KCNAB1: variants seen among roughly 807,000 people sequenced by gnomAD.
The protein encoded by KCNAB1 is potassium voltage-gated channel subfamily A regulatory beta subunit 1, also known as voltage-gated potassium channel subunit beta-1.
In KCNAB1, 35 loss-of-function variants were observed where a neutral mutation model predicts 64.6. The observed-to-expected ratio is 0.54, with a 90% CI of 0.41 to 0.72. KCNAB1 has a LOEUF of 0.72. KCNAB1 is among the 30% of genes least tolerant of loss of function. The pLI is 0.00. For synonymous variants in KCNAB1, 177 were observed against 183.8 expected (o/e 0.96, Z 0.30); for missense variants, 401 against 512.9 (o/e 0.78, Z 2.11).
intron 1 of KCNAB1, among the ~76,000 whole-genome samples, chr3:156,383,866 G>A (rs976013535): frequency 3.3e-5 from 5 of 152,128 alleles, no homozygotes; most frequent in African/African-American, 7.2e-5. Context: ...TTTGAGCCTC[G>A]CAGCTCTGCC....
intron 1 of KCNAB1, among the ~76,000 whole-genome samples, chr3:156,173,071 TCTC>T (rs1413893662): frequency 6.6e-6 from 1 of 152,202 alleles, no homozygotes; most frequent in African/African-American, 2.4e-5. Context: ...AGAAAAGGCT[TCTC>T]CTCTGGAGAG....
At chr3:156,473,705 T>G (rs1714122456) in intron 7 of KCNAB1, among the ~76,000 whole-genome samples, 1 of 152,160 alleles carries the variant, frequency 6.6e-6, no homozygotes, top group African/African-American at 2.4e-5. Flanking sequence ...TAAACCAGTA[T>G]GAAAAATCAA....
chr3:156,405,077 A>C (rs1559868545), intron 1 of KCNAB1, among the ~76,000 whole-genome samples: 1 of 152,202 alleles, frequency 6.6e-6, no homozygotes, highest in East Asian at 1.9e-4. Context: ...ACTGAGACTT[A>C]ACTTAAAAAT....
chr3:156,136,541 C>A (rs368901179), intron 1 of KCNAB1, among the ~76,000 whole-genome samples: 8 of 152,216 alleles, frequency 5.3e-5, no homozygotes, highest in Non-Finnish European at 1.0e-4. Flanking sequence ...CAGCATGAGA[C>A]CACAATACTA....
intron 8 of KCNAB1, among the ~76,000 whole-genome samples, chr3:156,501,326 T>C (rs1716387296): frequency 6.6e-6 from 1 of 151,888 alleles, no homozygotes; most frequent in African/African-American, 2.4e-5. Context: ...GAGTATATGG[T>C]ATATGAATAA....
At chr3:156,520,945 C>G (rs1369725784) in intron 11 of KCNAB1, among the ~76,000 whole-genome samples, 2 of 152,150 alleles carry the variant, frequency 1.3e-5, no homozygotes, top group African/African-American at 4.8e-5. Flanking sequence ...TAACTAACAA[C>G]TAATTAGGGA....
rs563991875 is a variant in KCNAB1 at position 156,387,047 on chromosome 3, C to G, written c.276-34569C>G. ...TTTTTTTTTTTTTGCCTGTATGCTACTCTACAATCTCTGTAGACTTACAAA... is the reference window on the plus strand; with the variant it reads ...TTTTTTTTTTTTTGCCTGTATGCTAGTCTACAATCTCTGTAGACTTACAAA... On this transcript the variant is annotated intron_variant, in intron 1 of 13. Coordinates refer to ENST00000490337, the MANE Select transcript of KCNAB1 (RefSeq NM_172160.3). Among the ~76,000 whole-genome samples the G allele has an allele frequency of 3.3e-5, 3 of 89,708 alleles. No individual in the cohort carries two copies. The South Asian group carries it at 9.4e-4, about 28-fold the overall frequency. The allele number at this position is 89,708 out of a possible 152,430, so 58.9% of individuals were successfully genotyped here. A position where few individuals can be genotyped will look rare whatever the true frequency, so the allele number is the denominator to read the frequency against.
rs776448358 is a variant in KCNAB1, at chr3:156,120,709, A to T, written c.98A>T (p.Lys33Ile). The T allele has an allele frequency of 6.2e-7, 1 of 1,614,134 alleles. No homozygotes were observed. The highest frequency in any genetic ancestry group is 2.2e-5 in the East Asian group (1 of 44,902). ...QSGFSVAGKD[K>I]SPKKASENAK... ...GGGTTTTCTGTAGCAGGGAAAGACA[A>T]ATCTCCCAAGAAAGCCTCAGAAAAC... Residue 33 changes from lysine (K) to isoleucine (I), a missense_variant, in exon 1 of 14, where the codon AAA (lysine) becomes ATA (isoleucine). Physicochemically the swap from Lys to Ile is moderately radical, Grantham distance 102. Transcript: ENST00000490337.
At chr3:156,457,571 G>A in intron 4 of KCNAB1, 39 bp downstream of exon 4, 1 of 1,542,908 alleles carries the variant, frequency 6.5e-7, no homozygotes, top group Non-Finnish European at 9.0e-7. Context: ...AATGGCATCT[G>A]TAGCACCAAA....
At chr3:156,169,049 A>T (rs1711788971) in intron 1 of KCNAB1, among the ~76,000 whole-genome samples, 1 of 152,142 alleles carries the variant, frequency 6.6e-6, no homozygotes. Context: ...TTTTTATATG[A>T]TTTATTATTG....
intron 1 of KCNAB1, among the ~76,000 whole-genome samples, chr3:156,341,545 G>T (rs908849906): frequency 6.6e-6 from 1 of 152,152 alleles, no homozygotes; most frequent in Non-Finnish European, 1.5e-5. Flanking sequence ...TGGCCTCCGA[G>T]CTGTGTTAGG....
chr3:156,194,009 TA>T (rs1713727714), intron 1 of KCNAB1, among the ~76,000 whole-genome samples: 1 of 152,174 alleles, frequency 6.6e-6, no homozygotes, highest in Admixed American at 6.5e-5. Flanking sequence ...AAAAGAATCT[TA>T]AAAATATACT....
intron 1 of KCNAB1, chr3:156,143,289 T>G: frequency 6.2e-7 from 1 of 1,613,836 alleles, no homozygotes; most frequent in Non-Finnish European, 8.5e-7. Flanking sequence ...TGACCAAGAC[T>G]CAGCCTCAGG....
intron 1 of KCNAB1, among the ~76,000 whole-genome samples, chr3:156,235,215 A>G (rs922683728): frequency 5.9e-5 from 9 of 152,178 alleles, no homozygotes; most frequent in African/African-American, 1.9e-4. Flanking sequence ...TCTTTGATCA[A>G]GCTGATCCAC....
chr3:156,344,827 T>C (rs763501301), intron 1 of KCNAB1, among the ~76,000 whole-genome samples: 7 of 152,150 alleles, frequency 4.6e-5, no homozygotes, highest in Admixed American at 2.6e-4. Context: ...TAAGATCCCA[T>C]TACGTCCTAT....
chr3:156,186,178 C>G (rs1713177609), intron 1 of KCNAB1, among the ~76,000 whole-genome samples: 1 of 152,222 alleles, frequency 6.6e-6, no homozygotes, highest in Non-Finnish European at 1.5e-5. Flanking sequence ...TTCTGTTTTA[C>G]TTGCTACTTT....
intron 1 of KCNAB1, among the ~76,000 whole-genome samples, chr3:156,250,994 A>G (rs1328763626): frequency 6.6e-6 from 1 of 152,178 alleles, no homozygotes; most frequent in African/African-American, 2.4e-5. Flanking sequence ...ATTTCGTACC[A>G]TTCTTTGATG....
intron 1 of KCNAB1, among the ~76,000 whole-genome samples, chr3:156,298,111 A>G (rs1366403656): frequency 6.6e-6 from 1 of 152,230 alleles, no homozygotes; most frequent in African/African-American, 2.4e-5. Context: ...CTGCTGATTC[A>G]ATCTCATAGA....
chr3:156,163,672 T>C (rs1716210511), intron 1 of KCNAB1, among the ~76,000 whole-genome samples: 1 of 152,252 alleles, frequency 6.6e-6, no homozygotes. Flanking sequence ...AGCACATTCC[T>C]GGCACCAGCT....
Sources: gnomAD v4.1 joint callset for allele counts (sites outside exome capture counted in the v4.1 genomes callset) on GRCh38, gnomAD v4.1.1 for gene constraint, MANE v1.5 for transcripts, NCBI Gene and HGNC (gene_info 2026-07-23, HGNC 2026-07-21) for gene names.